The following ST8SIA6 variants were observed in gnomAD, a reference collection of about 807,000 sequenced individuals.
ST8SIA6 encodes ST8 alpha-N-acetyl-neuraminide alpha-2,8-sialyltransferase 6.
ST8SIA6 carries 39 observed loss-of-function variants against 33.6 expected under a neutral mutation model. The ratio of observed to expected loss-of-function variants is 1.16; its 90% confidence interval spans 0.90 to 1.52. The LOEUF is 1.52. ST8SIA6 is among the 40% of genes most tolerant of loss of function. ST8SIA6 has a pLI of 0.00. For missense variants in ST8SIA6, 441 were observed against 443.8 expected (o/e 0.99, Z 0.06); for synonymous variants, 172 against 167.2 (o/e 1.03, Z -0.22).
chr10:17,352,045 CT>C (rs1849047579), intron 4 of ST8SIA6, among the ~76,000 whole-genome samples: 1 of 144,412 alleles, frequency 6.9e-6, no homozygotes, highest in Non-Finnish European at 1.5e-5. Flanking sequence ...AATGTTCTCA[CT>C]AAAAAAAAAA....
At chr10:17,370,292 CT>C (rs1212738043) in intron 3 of ST8SIA6, among the ~76,000 whole-genome samples, 1 of 152,106 alleles carries the variant, frequency 6.6e-6, no homozygotes, top group Non-Finnish European at 1.5e-5. Context: ...CTGACAATCT[CT>C]GACTTTTGAT....
intron 2 of ST8SIA6, among the ~76,000 whole-genome samples, chr10:17,439,269 CTCTT>C (rs1361337264): frequency 1.4e-4 from 20 of 138,402 alleles, no homozygotes; most frequent in African/African-American, 4.9e-4. Flanking sequence ...CTTCTTCCCT[CTCTT>C]TTTTTTTTTT....
chr10:17,420,062 A>T (rs1012593183), intron 2 of ST8SIA6, among the ~76,000 whole-genome samples: 6 of 152,242 alleles, frequency 3.9e-5, no homozygotes, highest in Admixed American at 2.0e-4. Flanking sequence ...ACCATGATAT[A>T]GTTAACTTTT....
chr10:17,407,183 A>C (rs966126910), intron 2 of ST8SIA6, among the ~76,000 whole-genome samples: 10 of 152,182 alleles, frequency 6.6e-5, no homozygotes, highest in Admixed American at 1.3e-4. Context: ...TCAGGCTGCT[A>C]AATGCTATAA....
intron 2 of ST8SIA6, among the ~76,000 whole-genome samples, chr10:17,402,723 A>G (rs1038312144): frequency 3.9e-5 from 6 of 152,048 alleles, no homozygotes; most frequent in South Asian, 2.1e-4. Context: ...GAATTGAACA[A>G]TGAGAACACT....
intron 2 of ST8SIA6, among the ~76,000 whole-genome samples, chr10:17,440,869 C>T (rs562895741): frequency 2.4e-4 from 37 of 152,260 alleles, no homozygotes; most frequent in African/African-American, 6.5e-4. Context: ...TGATGTAGAA[C>T]ATTTTGTCAC....
intron 4 of ST8SIA6, among the ~76,000 whole-genome samples, chr10:17,354,103 C>G (rs934178966): frequency 6.6e-6 from 1 of 152,146 alleles, no homozygotes; most frequent in African/African-American, 2.4e-5. Flanking sequence ...AGACTAATTA[C>G]TGGAGCTCAA....
At chr10:17,436,042 C>T (rs532461271) in intron 2 of ST8SIA6, among the ~76,000 whole-genome samples, 1 of 152,294 alleles carries the variant, frequency 6.6e-6, no homozygotes, top group Admixed American at 6.5e-5. Context: ...TGCTGTAACC[C>T]TAAGATGAGT....
chr10:17,350,060 T>C (rs1008981607), intron 4 of ST8SIA6, among the ~76,000 whole-genome samples: 1 of 152,190 alleles, frequency 6.6e-6, no homozygotes, highest in Non-Finnish European at 1.5e-5. Flanking sequence ...GAAGGCTTCC[T>C]TGAGGAAGGG....
intron 4 of ST8SIA6, among the ~76,000 whole-genome samples, chr10:17,345,253 G>A (rs576810494): frequency 4.2e-4 from 64 of 152,274 alleles, no homozygotes; most frequent in African/African-American, 1.4e-3. Flanking sequence ...AGCATTTCAG[G>A]TGCTGCTCTG....
intron 2 of ST8SIA6, 127 bp from the exon 3 acceptor site, chr10:17,390,747 G>C (rs1162270117): frequency 3.3e-6 from 2 of 601,584 alleles, no homozygotes; most frequent in South Asian, 5.5e-5. Context: ...TCCATTATTG[G>C]ATTTCTCCAT....
intron 2 of ST8SIA6, among the ~76,000 whole-genome samples, chr10:17,450,659 C>T (rs936556543): frequency 5.3e-5 from 8 of 152,170 alleles, no homozygotes; most frequent in Non-Finnish European, 1.0e-4. Context: ...TCAGGCTAGT[C>T]TCGAACTCCT....
At chr10:17,442,584 T>C (rs1481544957) in intron 2 of ST8SIA6, among the ~76,000 whole-genome samples, 2 of 152,216 alleles carry the variant, frequency 1.3e-5, no homozygotes, top group Non-Finnish European at 2.9e-5. Context: ...AGTGCTAGCA[T>C]TGACTGAAGA....
At chr10:17,437,834 G>A (rs1382287816) in intron 2 of ST8SIA6, among the ~76,000 whole-genome samples, 2 of 151,870 alleles carry the variant, frequency 1.3e-5, no homozygotes, top group African/African-American at 4.8e-5. Context: ...GGGTTCAGGC[G>A]ATTCTTCTGC....
At chr10:17,453,948 G>A (rs1853020669) in intron 1 of ST8SIA6, among the ~76,000 whole-genome samples, 2 of 151,912 alleles carry the variant, frequency 1.3e-5, no homozygotes, top group African/African-American at 4.8e-5. Context: ...CGGTCCCTCT[G>A]CTCCCCAGCC....
intron 2 of ST8SIA6, among the ~76,000 whole-genome samples, chr10:17,449,562 A>G (rs1231585594): frequency 6.6e-6 from 1 of 152,248 alleles, no homozygotes; most frequent in South Asian, 2.1e-4. Flanking sequence ...AGTAAAATAG[A>G]ATTTTCTGCA....
intron 2 of ST8SIA6, among the ~76,000 whole-genome samples, chr10:17,405,227 C>T (rs1264074755): frequency 6.6e-6 from 1 of 151,724 alleles, no homozygotes; most frequent in Non-Finnish European, 1.5e-5. Flanking sequence ...AAAAAATAGC[C>T]AGGCATGGTA....
At position 17,453,577 on chromosome 10, in the gene ST8SIA6, A is replaced by G; in HGVS notation, c.182T>C (p.Val61Ala). 1.5e-6 allele frequency: 2 copies of G among 1,324,810 alleles called. No individual in the cohort carries two copies. Among genetic ancestry groups the G allele is most frequent in the Non-Finnish European group, 9.7e-7 (1 of 1,029,988 alleles). 82.1% of individuals were successfully genotyped at this position (1,324,810 alleles called of 1,614,324 possible). The change falls in exon 2 of 8, where the codon GTA becomes GCA. Residue 61 changes from valine to alanine, a missense_variant. Physicochemically the swap from Val to Ala is moderately conservative, Grantham distance 64 (BLOSUM62 0). Transcript: ENST00000377602. ...GCTGTACCTGTTAGTGGCGCGCGGT[A>G]CCGCGGTCGCCGGGCTCCGGAGCGT... is the stretch of plus-strand genomic sequence containing the variant. The part of the protein sequence containing the change: ...LRTLRSPATA[V>A]PRATNSTYLN...
At chr10:17,424,983 C>G (rs1426015328) in intron 2 of ST8SIA6, among the ~76,000 whole-genome samples, 3 of 152,038 alleles carry the variant, frequency 2.0e-5, no homozygotes, top group Admixed American at 2.0e-4. Flanking sequence ...GATTCTCCCG[C>G]CTCAGCCTCC....
Sources: gnomAD v4.1 joint callset for allele counts (sites outside exome capture counted in the v4.1 genomes callset) on GRCh38, gnomAD v4.1.1 for gene constraint, MANE v1.5 for transcripts, NCBI Gene and HGNC (gene_info 2026-07-23, HGNC 2026-07-21) for gene names.